The following RAET1E variants were observed in gnomAD, a reference collection of about 807,000 sequenced individuals.
RAET1E encodes retinoic acid early transcript 1E, also known as NKG2D ligand 4.
RAET1E carries 27 observed loss-of-function variants against 21.1 expected under a neutral mutation model. The ratio of observed to expected loss-of-function variants is 1.28; its 90% CI spans 0.94 to 1.76. The LOEUF (loss-of-function observed/expected upper bound fraction) is 1.76. Among genes scored for constraint, RAET1E ranks in the 40% most tolerant of loss-of-function variants. The pLI is 0.00. For synonymous variants in RAET1E, 113 were observed against 115.0 expected (o/e 0.98, Z 0.11); for missense variants, 310 against 311.3 (o/e 1.00, Z 0.03).
At chr6:149,894,254 C>T (rs1369776678) in intron 2 of RAET1E, among the ~76,000 whole-genome samples, 1 of 152,166 alleles carries the variant, frequency 6.6e-6, no homozygotes, top group East Asian at 1.9e-4. Flanking sequence ...GGAATAGTTT[C>T]AGAACTCCTC....
rs1177420817 is a variant in RAET1E, at chr6:149,887,569, G to A, written c.*929C>T. ...AAAACAGACACATATCTGAGTCATGGTATTCGTTTAAGCAATGAAAAGGGT... is the reference window on the plus strand; with the variant it reads ...AAAACAGACACATATCTGAGTCATGATATTCGTTTAAGCAATGAAAAGGGT... On this transcript the variant is annotated 3_prime_UTR_variant, in exon 6 of 6. Transcript: ENST00000357183. Among the ~76,000 whole-genome samples the A allele has an allele frequency of 3.9e-5, 6 of 152,148 alleles. No homozygotes were observed. Among genetic ancestry groups the A allele is most frequent in the Non-Finnish European group, 8.8e-5 (6 of 68,026 alleles).
rs989670184 is a variant in RAET1E at position 149,884,647 on chromosome 6, T to C, written c.*3851A>G. ...TTGTTCACATTCTGCCTCTCTGTCA[T>C]CTAGTTTATGATTGTTCACTTTCCG... On this transcript the variant is annotated 3_prime_UTR_variant, in exon 6 of 6. Coordinates refer to ENST00000357183, the MANE Select transcript of RAET1E (RefSeq NM_001394057.1). 11 of 718,610 alleles carry C rather than the reference T, an allele frequency of 1.5e-5. No homozygotes were observed. In the African/African-American group the frequency reaches 1.7e-4, roughly 11 times the overall value. 44.5% of individuals were successfully genotyped at this position (718,610 alleles called of 1,614,324 possible). A position where few individuals can be genotyped will look rare whatever the true frequency, so the allele number is the denominator to read the frequency against.
intron 2 of RAET1E, among the ~76,000 whole-genome samples, chr6:149,892,282 C>T (rs1196240604): frequency 6.6e-6 from 1 of 152,068 alleles, no homozygotes; most frequent in Non-Finnish European, 1.5e-5. Flanking sequence ...GGAATTGCCA[C>T]ACTGTCTTCC....
chr6:149,890,006 G>T lies in RAET1E; in HGVS notation c.225C>A (p.Gly75=), dbSNP rs780745183. The stretch of plus-strand genomic sequence containing the variant: ...TGGCATATACCTTCTTCCCCAGGAG[G>T]CCCAGAGGTTTGACCATGTTGTTGT... The part of the protein sequence containing the change: ...NSDNNMVKPL[G]LLGKKVYATS... Residue 75 remains glycine (G), a synonymous_variant, in exon 4 of 6, where the codon GGC becomes GGA. Transcript: ENST00000357183. 1.9e-6 allele frequency: 3 copies of T among 1,614,122 alleles called. No homozygotes were observed. The Admixed American group carries it at 5.0e-5, about 27-fold the overall frequency.
Position 149,890,714 on chromosome 6 carries a change from A to G in RAET1E, c.85+103T>C. On this transcript the variant is annotated intron_variant, in intron 3 of 5. Coordinates refer to ENST00000357183, the MANE Select transcript of RAET1E (RefSeq NM_001394057.1). Reference sequence around the variant, plus strand: ...TCTTCCTCACGTCATCCTTAAGAGCAGGCACCCACTTGTCTGAAGCCTGCA... The same window carrying G: ...TCTTCCTCACGTCATCCTTAAGAGCGGGCACCCACTTGTCTGAAGCCTGCA... 3.4e-5 allele frequency: 26 copies of G among 769,670 alleles called. No homozygotes were observed. In the South Asian group the frequency reaches 3.7e-4, roughly 11 times the overall value. 47.7% of individuals were successfully genotyped at this position (769,670 alleles called of 1,614,324 possible). A position where few individuals can be genotyped will look rare whatever the true frequency, so the allele number is the denominator to read the frequency against.
chr6:149,896,608 GC>G (rs1463233642), intron 1 of RAET1E, among the ~76,000 whole-genome samples: 1 of 151,986 alleles, frequency 6.6e-6, no homozygotes, highest in Non-Finnish European at 1.5e-5. Context: ...GGGGACACCA[GC>G]GGGGGTGGGC....
intron 3 of RAET1E, among the ~76,000 whole-genome samples, chr6:149,890,399 G>A (rs1777836130): frequency 6.6e-6 from 1 of 152,150 alleles, no homozygotes; most frequent in Admixed American, 6.5e-5. Context: ...CATGTCACAA[G>A]TACTTTTAGC....
rs1286244626 is a variant in RAET1E, at chr6:149,887,500, G to A, written c.*998C>T. Among the ~76,000 whole-genome samples, 1 of 152,172 alleles carries A rather than the reference G, an allele frequency of 6.6e-6. No individual in the cohort carries two copies. The highest frequency in any genetic ancestry group is 2.4e-5 in the African/African-American group (1 of 41,432). ...AGCCATATCTTGCCAAGCCTGTTGTGACACCGATCTTGGCAAACTCACTTT... is the reference window on the plus strand; with the variant it reads ...AGCCATATCTTGCCAAGCCTGTTGTAACACCGATCTTGGCAAACTCACTTT... On this transcript the variant is annotated 3_prime_UTR_variant, in exon 6 of 6. Transcript: ENST00000357183.
chr6:149,885,196 C>A lies in RAET1E; in HGVS notation c.*3302G>T, dbSNP rs1468120705. ...ACCCTCTGTGTTTCTGTCCATCAGA[C>A]CACCCATCACATAGGCAACCCCTGG... On this transcript the variant is annotated 3_prime_UTR_variant, in exon 6 of 6. Transcript: ENST00000357183. Among the ~76,000 whole-genome samples, 1 of 152,100 alleles carries A rather than the reference C, an allele frequency of 6.6e-6. No individual in the cohort carries two copies. Among genetic ancestry groups the A allele is most frequent in the African/African-American group, 2.4e-5 (1 of 41,416 alleles).
At chr6:149,890,282 T>A (rs1777829077) in intron 3 of RAET1E, 137 bp from the exon 4 acceptor site, 2 of 846,988 alleles carry the variant, frequency 2.4e-6, no homozygotes, top group Non-Finnish European at 3.7e-6. Context: ...TCCCTCAACC[T>A]TCTGGATCCC....
At position 149,888,091 on chromosome 6, in the gene RAET1E, A is replaced by T; in HGVS notation, c.*407T>A. ...GTAATGTTTAGAGGGTGGTGAAAGG[A>T]TTTCTTATACCACATCTTGTATGTT... On this transcript the variant is annotated 3_prime_UTR_variant, in exon 6 of 6. Coordinates refer to ENST00000357183, the MANE Select transcript of RAET1E (RefSeq NM_001394057.1). 1 of 454,278 alleles carries T rather than the reference A, an allele frequency of 2.2e-6. No homozygotes were observed. The highest frequency in any genetic ancestry group is 2.5e-5 in the Admixed American group (1 of 40,462). 28.1% of individuals were successfully genotyped at this position (454,278 alleles called of 1,614,324 possible). A position where few individuals can be genotyped will look rare whatever the true frequency, so the allele number is the denominator to read the frequency against.
chr6:149,888,310 A>G lies in RAET1E; in HGVS notation c.*188T>C. ...CCCAGGCAGGCGTTCCAGATCTTTG[A>G]CCTTGCCCCTCCTCGAGAGGAGATG... On this transcript the variant is annotated 3_prime_UTR_variant, in exon 6 of 6. Coordinates refer to ENST00000357183, the MANE Select transcript of RAET1E (RefSeq NM_001394057.1). 1.3e-6 allele frequency: 1 copy of G among 761,390 alleles called. No individual in the cohort carries two copies. Among genetic ancestry groups the G allele is most frequent in the South Asian group, 1.6e-5 (1 of 63,832 alleles). The allele number at this position is 761,390 out of a possible 1,614,324, so 47.2% of individuals were successfully genotyped here. A position where few individuals can be genotyped will look rare whatever the true frequency, so the allele number is the denominator to read the frequency against.
intron 1 of RAET1E, among the ~76,000 whole-genome samples, chr6:149,897,158 G>A (rs1182473468): frequency 6.6e-6 from 1 of 152,138 alleles, no homozygotes; most frequent in African/African-American, 2.4e-5. Context: ...TCAGCCTCCA[G>A]AATAGCTGGC....
intron 2 of RAET1E, among the ~76,000 whole-genome samples, chr6:149,893,712 G>T (rs1224147343): frequency 6.6e-6 from 1 of 152,154 alleles, no homozygotes; most frequent in Admixed American, 6.5e-5. Context: ...TTGCCTGATT[G>T]CCCTGGCCAG....
intron 2 of RAET1E, among the ~76,000 whole-genome samples, chr6:149,894,555 G>A (rs1374660669): frequency 4.6e-5 from 7 of 151,466 alleles, no homozygotes; most frequent in East Asian, 1.9e-4. Context: ...CCTTTCTTCC[G>A]CTTGATTGAT....
In RAET1E at chr6:149,888,192, C is replaced by A. The variant is rs1397407296; in HGVS notation, c.*306G>T. The A allele has an allele frequency of 3.3e-6, 2 of 610,032 alleles. No individual in the cohort carries two copies. Among genetic ancestry groups the A allele is most frequent in the South Asian group, 2.8e-5 (2 of 70,514 alleles). 37.8% of individuals were successfully genotyped at this position (610,032 alleles called of 1,614,324 possible). ...GGTGAACGGGAAAAGGGGATGGGAC[C>A]TGCTGAGCTAAATCACGGTAAACGC... On this transcript the variant is annotated 3_prime_UTR_variant, in exon 6 of 6. Coordinates refer to ENST00000357183, the MANE Select transcript of RAET1E (RefSeq NM_001394057.1).
chr6:149,884,613 C>G lies in RAET1E; in HGVS notation c.*3885G>C. 1.1e-6 allele frequency: 1 copy of G among 927,094 alleles called. No individual in the cohort carries two copies. The highest frequency in any genetic ancestry group is 1.7e-6 in the Non-Finnish European group (1 of 597,052). 57.4% of individuals were successfully genotyped at this position (927,094 alleles called of 1,614,324 possible). On this transcript the variant is annotated 3_prime_UTR_variant, in exon 6 of 6. Coordinates refer to ENST00000357183, the MANE Select transcript of RAET1E (RefSeq NM_001394057.1). ...TCCCACCTCTCTCTCAGGGAGAGAT[C>G]AGCCGCTATTGTTCACATTCTGCCT...
rs1777802528 is a variant in RAET1E, at chr6:149,889,887, C to G, written c.344G>C (p.Ser115Thr). Reference protein sequence around the residue: ...LCDIKPQIKTSDPSTLQVEMF... With the variant: ...LCDIKPQIKTTDPSTLQVEMF... ...TGCCCACCCCATTCCACACTTACCACTGGTCTTTATCTGGGGTTTGATGTC... is the reference window on the plus strand; with the variant it reads ...TGCCCACCCCATTCCACACTTACCAGTGGTCTTTATCTGGGGTTTGATGTC... Residue 115 changes from serine (S) to threonine (T), a missense_variant and splice_region_variant, in exon 4 of 6, where the codon AGT (serine) becomes ACT (threonine). By Grantham distance (58) the Ser-to-Thr change is moderately conservative (BLOSUM62 1). Transcript: ENST00000357183. 6.2e-7 allele frequency: 1 copy of G among 1,613,336 alleles called. No homozygotes were observed. The highest frequency in any genetic ancestry group is 8.5e-7 in the Non-Finnish European group (1 of 1,179,438).
chr6:149,893,024 GGT>G (rs1777973966), intron 2 of RAET1E, among the ~76,000 whole-genome samples: 1 of 152,150 alleles, frequency 6.6e-6, no homozygotes, highest in South Asian at 2.1e-4. Context: ...GTAGCTGTGT[GGT>G]GTTATTTCTG....
Sources: gnomAD v4.1 joint callset for allele counts (sites outside exome capture counted in the v4.1 genomes callset) on GRCh38, gnomAD v4.1.1 for gene constraint, MANE v1.5 for transcripts, NCBI Gene and HGNC (gene_info 2026-07-23, HGNC 2026-07-21) for gene names.